PARD3: variants seen among roughly 807,000 people sequenced by gnomAD.
PARD3 encodes partitioning defective 3 homolog.
Under a neutral mutation model 155.4 loss-of-function variants are expected in PARD3, and 75 were observed. That is an observed-to-expected ratio of 0.48 (90% CI 0.40 to 0.58). The LOEUF (loss-of-function observed/expected upper bound fraction) is 0.58, where lower values mean the gene tolerates loss of function less well. PARD3 is among the 20% of genes least tolerant of loss of function. The pLI, the probability that PARD3 is intolerant of heterozygous loss-of-function variation, is 0.00. For missense variants in PARD3, 1,642 were observed against 1,721.7 expected (o/e 0.95, Z 0.82); for synonymous variants, 576 against 610.5 (o/e 0.94, Z 0.83).
chr10:34,797,981 C>T (rs1842455786), intron 1 of PARD3, among the ~76,000 whole-genome samples: 2 of 152,222 alleles, frequency 1.3e-5, no homozygotes, highest in South Asian at 4.2e-4. Context: ...GCCTGGGCAA[C>T]AGCACAAGAC....
At chr10:34,302,074 C>G (rs747018224) in intron 20 of PARD3, among the ~76,000 whole-genome samples, 1 of 152,084 alleles carries the variant, frequency 6.6e-6, no homozygotes, top group Non-Finnish European at 1.5e-5. Context: ...TGGCTACCCA[C>G]TATCTTTAGG....
At chr10:34,600,530 T>C (rs566299003) in intron 2 of PARD3, among the ~76,000 whole-genome samples, 4 of 151,772 alleles carry the variant, frequency 2.6e-5, no homozygotes, top group African/African-American at 9.7e-5. Context: ...TATCTGTACA[T>C]GAATATTGAA....
intron 1 of PARD3, among the ~76,000 whole-genome samples, chr10:34,745,566 C>T (rs1246529433): frequency 6.6e-6 from 1 of 152,152 alleles, no homozygotes; most frequent in Non-Finnish European, 1.5e-5. Context: ...AAGCCTCCCA[C>T]TCCAGGGCTT....
intron 23 of PARD3, among the ~76,000 whole-genome samples, chr10:34,120,404 A>G (rs554146200): frequency 1.2e-3 from 183 of 152,140 alleles, no homozygotes; most frequent in South Asian, 2.7e-3. Context: ...AGGCTCTTCC[A>G]AAAACTAGAA....
At chr10:34,371,529 AAAAC>A (rs1840650706) in intron 12 of PARD3, among the ~76,000 whole-genome samples, 1 of 66,994 alleles carries the variant, frequency 1.5e-5, no homozygotes, top group Non-Finnish European at 2.5e-5. Context: ...AAAAAAAAAA[AAAAC>A]AACGAAGGAA....
chr10:34,734,233 A>AAAGGCATG (rs572167794), intron 1 of PARD3, among the ~76,000 whole-genome samples: 1 of 152,114 alleles, frequency 6.6e-6, no homozygotes, highest in Admixed American at 6.5e-5. Flanking sequence ...AGCACTACAA[A>AAAGGCATG]AAGGCATGTG....
intron 2 of PARD3, among the ~76,000 whole-genome samples, chr10:34,639,667 G>A (rs924111819): frequency 8.5e-5 from 13 of 152,174 alleles, no homozygotes; most frequent in African/African-American, 1.2e-4. Flanking sequence ...AGACCAGCCC[G>A]GGCAACAGAG....
rs549403985 is a variant in PARD3, at chr10:34,197,069, G to A, written c.3420-65486C>T. Among the ~76,000 whole-genome samples, 11 of 152,198 alleles carry A rather than the reference G, an allele frequency of 7.2e-5. No homozygotes were observed. The East Asian group carries it at 1.4e-3, about 19-fold the overall frequency. The stretch of plus-strand genomic sequence containing the variant: ...GCCTTCCCATCTGCACCCACTACAC[G>A]AGCAATGTTCAGCTCAAAACCAAGT... On this transcript the variant is annotated intron_variant, in intron 22 of 24. Transcript: ENST00000374788.
At chr10:34,140,274 G>T (rs1423182174) in intron 22 of PARD3, among the ~76,000 whole-genome samples, 1 of 152,136 alleles carries the variant, frequency 6.6e-6, no homozygotes, top group Non-Finnish European at 1.5e-5. Flanking sequence ...ACCTTTAAAT[G>T]GCAATGGATT....
chr10:34,491,194 G>C (rs1256316949), intron 3 of PARD3, among the ~76,000 whole-genome samples: 1 of 152,156 alleles, frequency 6.6e-6, no homozygotes, highest in African/African-American at 2.4e-5. Flanking sequence ...CATGGAGTCA[G>C]TGGTCACAGG....
chr10:34,267,733 G>A (rs568097166), intron 22 of PARD3, among the ~76,000 whole-genome samples: 30 of 152,266 alleles, frequency 2.0e-4, no homozygotes, highest in African/African-American at 7.2e-4. Flanking sequence ...AGTATTTCCC[G>A]TACATCTCTA....
intron 1 of PARD3, among the ~76,000 whole-genome samples, chr10:34,768,391 C>T (rs1197373967): frequency 4.0e-5 from 6 of 151,462 alleles, no homozygotes. Context: ...GAAGCAAAGG[C>T]GGGACAACTC....
intron 1 of PARD3, among the ~76,000 whole-genome samples, chr10:34,703,619 A>G (rs991282057): frequency 1.3e-5 from 2 of 152,210 alleles, no homozygotes; most frequent in African/African-American, 4.8e-5. Flanking sequence ...AAAATGACAT[A>G]TGTTTCCACA....
chr10:34,523,880 G>A (rs752638143), intron 2 of PARD3, among the ~76,000 whole-genome samples: 2 of 152,018 alleles, frequency 1.3e-5, no homozygotes, highest in African/African-American at 2.4e-5. Flanking sequence ...ATAAATTATA[G>A]ATTTCTATAA....
chr10:34,741,939 A>G (rs1415660426), intron 1 of PARD3, among the ~76,000 whole-genome samples: 5 of 152,242 alleles, frequency 3.3e-5, no homozygotes, highest in African/African-American at 4.8e-5. Context: ...CTTAAAATGT[A>G]CAATATAACA....
intron 12 of PARD3, among the ~76,000 whole-genome samples, chr10:34,360,604 G>GT (rs1418917652): frequency 2.0e-5 from 3 of 152,154 alleles, no homozygotes; most frequent in African/African-American, 7.2e-5. Context: ...AAGAAAAACA[G>GT]TAACAATGGG....
chr10:34,758,853 A>T (rs1474475466), intron 1 of PARD3, among the ~76,000 whole-genome samples: 3 of 152,202 alleles, frequency 2.0e-5, no homozygotes, highest in Non-Finnish European at 4.4e-5. Flanking sequence ...CAGCACAGGA[A>T]ATTCCCCCAT....
At chr10:34,524,064 TG>T (rs1411059711) in intron 2 of PARD3, among the ~76,000 whole-genome samples, 1 of 152,228 alleles carries the variant, frequency 6.6e-6, no homozygotes, top group East Asian at 1.9e-4. Flanking sequence ...CGTGATAACC[TG>T]TGGCACTTAC....
chr10:34,179,541 A>G (rs1950180837), intron 22 of PARD3, among the ~76,000 whole-genome samples: 1 of 152,266 alleles, frequency 6.6e-6, no homozygotes, highest in Non-Finnish European at 1.5e-5. Flanking sequence ...AAATCGCTGT[A>G]ACAATCCAAG....
Sources: allele counts gnomAD v4.1 joint callset (sites outside exome capture counted in the v4.1 genomes callset), GRCh38; gene constraint gnomAD v4.1.1; transcripts MANE v1.5; gene names NCBI Gene and HGNC (gene_info 2026-07-23, HGNC 2026-07-21).